The following PRDM5 variants were observed in gnomAD, a reference collection of about 807,000 sequenced individuals.
PRDM5 encodes the protein PR/SET domain 5, also known as PR domain zinc finger protein 5.
Under a neutral mutation model 81.2 loss-of-function variants are expected in PRDM5, and 56 were observed. The ratio of observed to expected loss-of-function variants is 0.69; its 90% confidence interval spans 0.56 to 0.86. The LOEUF is 0.86. Among genes scored for constraint, PRDM5 ranks in the 40% least tolerant of loss-of-function variants. The probability of loss-of-function intolerance (pLI) is 0.00; values close to 1 mark genes in which losing one functional copy is unlikely to be tolerated. For missense variants in PRDM5, 697 were observed against 770.1 expected, an observed-to-expected ratio of 0.91 and a Z score of 1.12; for synonymous variants, 267 against 256.4, an observed-to-expected ratio of 1.04 and a Z score of -0.39.
intron 1 of PRDM5, among the ~76,000 whole-genome samples, chr4:120,920,204 G>C (rs1724716466): frequency 6.6e-6 from 1 of 152,200 alleles, no homozygotes; most frequent in Admixed American, 6.5e-5. Context: ...GTCTGGATTA[G>C]ATTCTCTGAA....
At chr4:120,894,407 T>C (rs1449946576) in intron 2 of PRDM5, among the ~76,000 whole-genome samples, 1 of 152,220 alleles carries the variant, frequency 6.6e-6, no homozygotes, top group African/African-American at 2.4e-5. Flanking sequence ...TTTCTGCATT[T>C]CCATGTTTCC....
chr4:120,773,508 C>T lies in PRDM5; in HGVS notation c.1537+3680G>A, dbSNP rs368088118. ...CATAACTTAGTGAGCCAATATTTTC[C>T]AAGTTACCTGTAACATGATGATGTT... On this transcript the variant is annotated intron_variant, in intron 13 of 15. Coordinates refer to ENST00000264808, the MANE Select transcript of PRDM5 (RefSeq NM_018699.4). Among the ~76,000 whole-genome samples, 121 of 152,170 alleles carry T rather than the reference C, an allele frequency of 8.0e-4. 2 individuals are homozygous for T. The highest frequency in any genetic ancestry group is 2.8e-3 in the African/African-American group (117 of 41,504).
rs1274535729 is a variant in PRDM5 at position 120,922,637 on chromosome 4, C to G, written c.-29G>C. The G allele has an allele frequency of 1.3e-6, 2 of 1,579,138 alleles. No homozygotes were observed. The highest frequency in any genetic ancestry group is 1.7e-6 in the Non-Finnish European group (2 of 1,163,470). On this transcript the variant is annotated 5_prime_UTR_variant, in exon 1 of 16. Coordinates refer to ENST00000264808, the MANE Select transcript of PRDM5 (RefSeq NM_018699.4). The stretch of plus-strand genomic sequence containing the variant: ...CCCGGGCGCGGCGGCCGCCGCCTCT[C>G]TCAACACCGGCGCTTAGCGCCCGGC...
At chr4:120,895,701 T>G (rs1764539773) in intron 2 of PRDM5, 1 of 152,298 alleles carries the variant, frequency 6.6e-6, no homozygotes, top group South Asian at 2.1e-4. Context: ...TTTTGTTTCA[T>G]TTTGAGACAG....
chr4:120,854,178 T>C lies in PRDM5; in HGVS notation c.178-638A>G, dbSNP rs1190345760. On this transcript the variant is annotated intron_variant, in intron 2 of 15. Transcript: ENST00000264808. ...ACCATACGCTCTCATTGCTCAGGCCTACTCTACATTCAACTGGAGAGAGGA... is the reference window on the plus strand; with the variant it reads ...ACCATACGCTCTCATTGCTCAGGCCCACTCTACATTCAACTGGAGAGAGGA... Among the ~76,000 whole-genome samples the C allele has an allele frequency of 2.0e-5, 3 of 152,322 alleles. No individual in the cohort carries two copies. The East Asian group carries it at 5.8e-4, about 29-fold the overall frequency.
At chr4:120,686,650 A>C (rs1417696600) in intron 1 of PRDM5, among the ~76,000 whole-genome samples, 1 of 152,042 alleles carries the variant, frequency 6.6e-6, no homozygotes, top group African/African-American at 2.4e-5. Flanking sequence ...TTGGTGTTTA[A>C]ATAAGCTTTT....
chr4:120,890,495 T>C (rs985447337), intron 2 of PRDM5, among the ~76,000 whole-genome samples: 5 of 152,240 alleles, frequency 3.3e-5, no homozygotes, highest in African/African-American at 1.2e-4. Context: ...ATAATGGGAA[T>C]GCTGAGTCAA....
chr4:120,725,125 A>G (rs1739203999), intron 14 of PRDM5, among the ~76,000 whole-genome samples: 1 of 152,238 alleles, frequency 6.6e-6, no homozygotes, highest in South Asian at 2.1e-4. Flanking sequence ...AAAGATGACA[A>G]CAGTATTACT....
chr4:120,744,210 TAA>T (rs965835344), intron 14 of PRDM5, among the ~76,000 whole-genome samples: 6 of 152,058 alleles, frequency 3.9e-5, no homozygotes, highest in African/African-American at 1.4e-4. Flanking sequence ...AAGGCAGAAA[TAA>T]AGATGTTCTT....
intron 12 of PRDM5, among the ~76,000 whole-genome samples, chr4:120,780,794 A>C (rs1178479855): frequency 1.3e-5 from 2 of 152,146 alleles, no homozygotes; most frequent in Non-Finnish European, 2.9e-5. Flanking sequence ...AAAATTATTA[A>C]AGTACTACTC....
chr4:120,695,972 GA>G (rs1734473062), intron 15 of PRDM5, among the ~76,000 whole-genome samples: 1 of 152,076 alleles, frequency 6.6e-6, no homozygotes, highest in Admixed American at 6.6e-5. Context: ...AATATAATGA[GA>G]GAGGAAATGG....
intron 15 of PRDM5, among the ~76,000 whole-genome samples, chr4:120,704,718 C>T (rs923862465): frequency 2.6e-5 from 4 of 152,078 alleles, no homozygotes; most frequent in Non-Finnish European, 4.4e-5. Flanking sequence ...AACAGAGGAG[C>T]GTGCAGTCCA....
intron 10 of PRDM5, 128 bp from the exon 11 acceptor site, chr4:120,785,219 T>A: frequency 1.4e-6 from 1 of 724,056 alleles, no homozygotes; most frequent in African/African-American, 1.8e-5. Flanking sequence ...TTTCTTCTAG[T>A]GCCATTCTTC....
In PRDM5 at chr4:120,818,408, A is replaced by G; in HGVS notation, c.595T>C (p.Phe199Leu). 1 of 1,614,048 alleles carries G rather than the reference A, an allele frequency of 6.2e-7. No homozygotes were observed. The highest frequency in any genetic ancestry group is 8.5e-7 in the Non-Finnish European group (1 of 1,179,974). The change falls in exon 5 of 16, where the codon TTT becomes CTT. Residue 199 changes from phenylalanine (F) to leucine (L), a missense_variant. Around this residue, in one of 3 missense-constraint regions of PRDM5, gnomAD observed 577 missense variants for 606.7 expected, o/e 0.95. Coordinates refer to ENST00000264808, the MANE Select transcript of PRDM5 (RefSeq NM_018699.4). ...TTCTTCCCACAGTTCTTGCACTTAA[A>G]TTCTTTCTCCTCTGTGGGTTTCTGG... is the stretch of plus-strand genomic sequence containing the variant. ...LHQKPTEEKE[F>L]KCKNCGKKFP... is the part of the protein sequence containing the mutation.
chr4:120,728,564 T>A (rs1178804021), intron 14 of PRDM5, among the ~76,000 whole-genome samples: 1 of 152,206 alleles, frequency 6.6e-6, no homozygotes, highest in African/African-American at 2.4e-5. Flanking sequence ...TTTAGGTGAA[T>A]GTTTGCTTTC....
intron 2 of PRDM5, among the ~76,000 whole-genome samples, chr4:120,861,562 C>T (rs1040490640): frequency 5.3e-5 from 8 of 152,080 alleles, no homozygotes; most frequent in African/African-American, 1.9e-4. Context: ...CTTTGGGAGG[C>T]CGAGGCGGGC....
rs141708261 is a variant in PRDM5 at position 120,763,243 on chromosome 4, G to A, written c.1538-8605C>T. Among the ~76,000 whole-genome samples the A allele has an allele frequency of 4.1e-4, 62 of 152,128 alleles. No homozygotes were observed. In the East Asian group the frequency reaches 0.01, roughly 25 times the overall value. ...TCGGAAATCATAAAAAGCCAGATTG[G>A]GTGGATTTACTGAGGGTGAAACAAA... On this transcript the variant is annotated intron_variant, in intron 13 of 15. Transcript: ENST00000264808.
intron 1 of PRDM5, among the ~76,000 whole-genome samples, chr4:120,914,330 T>C (rs1723849662): frequency 6.6e-6 from 1 of 152,078 alleles, no homozygotes; most frequent in Non-Finnish European, 1.5e-5. Flanking sequence ...AAAAATATGA[T>C]ATTTAGAATC....
rs940664676 is a variant in PRDM5 at position 120,754,703 on chromosome 4, A to G, written c.1538-65T>C. ...GTAGCAGAACCAGTCCTGTGCTATC[A>G]CTTCTCACACACTCAGATCCTGGCC... is the stretch of plus-strand genomic sequence containing the variant. On this transcript the variant is annotated intron_variant, in intron 13 of 15. Coordinates refer to ENST00000264808, the MANE Select transcript of PRDM5 (RefSeq NM_018699.4). 8 of 1,112,862 alleles carry G rather than the reference A, an allele frequency of 7.2e-6. No individual in the cohort carries two copies. In the African/African-American group the frequency reaches 1.1e-4, roughly 15 times the overall value. The allele number at this position is 1,112,862 out of a possible 1,614,324, so 68.9% of individuals were successfully genotyped here.
Sources: allele counts gnomAD v4.1 joint callset (sites outside exome capture counted in the v4.1 genomes callset), GRCh38; gene constraint gnomAD v4.1.1; regional missense constraint gnomAD v4.1.1; transcripts MANE v1.5; gene names NCBI Gene and HGNC (gene_info 2026-07-23, HGNC 2026-07-21).